VWA3B: variants seen among roughly 807,000 people sequenced by gnomAD.
VWA3B encodes the protein von Willebrand factor A domain containing 3B, also known as von Willebrand factor A domain-containing protein 3B.
A neutral mutation model predicts 158.3 loss-of-function variants in VWA3B; 138 were observed. The ratio of observed to expected loss-of-function variants is 0.87; its 90% CI spans 0.76 to 1.00. The LOEUF (loss-of-function observed/expected upper bound fraction) is 1.00, where lower values mean the gene tolerates loss of function less well. VWA3B is among the 50% of genes least tolerant of loss of function. The pLI, the probability that VWA3B is intolerant of heterozygous loss-of-function variation, is 0.00. For missense variants in VWA3B, 1,555 were observed against 1,565.1 expected, an observed-to-expected ratio of 0.99 and a Z score of 0.11; for synonymous variants, 596 against 587.3, an observed-to-expected ratio of 1.01 and a Z score of -0.21.
At position 98,223,033 on chromosome 2, in the gene VWA3B, G is replaced by T. The variant is rs377022352; in HGVS notation, c.2019+5005G>T. On this transcript the variant is annotated intron_variant, in intron 14 of 27. Coordinates refer to ENST00000477737, the MANE Select transcript of VWA3B (RefSeq NM_144992.5). ...GATGAATCATATGTTGGAATGACCT[G>T]CAAGGATTTTAAAGAAGCTGTCATA... Among the ~76,000 whole-genome samples, 51 of 152,240 alleles carry T rather than the reference G, an allele frequency of 3.3e-4. No individual in the cohort carries two copies. In the East Asian group the frequency reaches 5.2e-3, roughly 16 times the overall value.
intron 8 of VWA3B, among the ~76,000 whole-genome samples, 188 bp downstream of exon 8, chr2:98,163,164 T>C (rs1222485169): frequency 1.4e-5 from 2 of 144,698 alleles, no homozygotes; most frequent in Admixed American, 6.7e-5. Context: ...CATGGACATG[T>C]GTGTGTGTGT....
At chr2:98,192,790 C>T (rs999028331) in intron 10 of VWA3B, 108 bp from the exon 11 acceptor site, 71 of 1,475,464 alleles carry the variant, frequency 4.8e-5, no homozygotes, top group Middle Eastern at 2.2e-4. Flanking sequence ...TGGGTATAAA[C>T]AACATAGCGC....
At chr2:98,291,151 A>T (rs1280615225) in intron 23 of VWA3B, 2 of 154,804 alleles carry the variant, frequency 1.3e-5, no homozygotes, top group African/African-American at 4.8e-5. Flanking sequence ...TAAGGACTTA[A>T]AGGAGGTGGG....
intron 6 of VWA3B, among the ~76,000 whole-genome samples, chr2:98,130,634 T>C: frequency 6.6e-6 from 1 of 152,208 alleles, no homozygotes; most frequent in East Asian, 1.9e-4. Context: ...ACAAAGCATA[T>C]CTTGCACAGC....
At chr2:98,194,799 A>C (rs979570710) in intron 12 of VWA3B, among the ~76,000 whole-genome samples, 1 of 152,126 alleles carries the variant, frequency 6.6e-6, no homozygotes, top group South Asian at 2.1e-4. Flanking sequence ...TTTTGTACTC[A>C]GACATTCAGA....
chr2:98,190,218 T>C (rs1681458858), intron 10 of VWA3B, among the ~76,000 whole-genome samples: 2 of 152,202 alleles, frequency 1.3e-5, no homozygotes, highest in Admixed American at 1.3e-4. Context: ...TTGATGTGTG[T>C]GTGTGGCTAT....
Position 98,247,866 on chromosome 2 carries a change from C to T in VWA3B, c.2674-2452C>T, listed in dbSNP as rs558460009. On this transcript the variant is annotated intron_variant, in intron 19 of 27. Transcript: ENST00000477737. ...TGGTTTTAAATGCTGATTATCTAAC[C>T]ATCTTTCTATTCTATTCTTTTAAAA... Among the ~76,000 whole-genome samples the T allele has an allele frequency of 2.0e-5, 3 of 152,126 alleles. No individual in the cohort carries two copies. In the South Asian group the frequency reaches 6.2e-4, roughly 32 times the overall value.
At chr2:98,175,776 G>A (rs545947119) in intron 8 of VWA3B, among the ~76,000 whole-genome samples, 2 of 152,304 alleles carry the variant, frequency 1.3e-5, no homozygotes, top group South Asian at 4.1e-4. Flanking sequence ...TAATCAAGCT[G>A]TTGAAAGCCC....
chr2:98,296,548 AC>A (rs1444297737), intron 23 of VWA3B, among the ~76,000 whole-genome samples: 2 of 152,250 alleles, frequency 1.3e-5, no homozygotes, highest in Non-Finnish European at 2.9e-5. Context: ...TTAAAACAAG[AC>A]ACATGGATCA....
At position 98,295,119 on chromosome 2, in the gene VWA3B, G is replaced by T. The variant is rs1009467393; in HGVS notation, c.3158-2788G>T. Among the ~76,000 whole-genome samples, 5 of 152,134 alleles carry T rather than the reference G, an allele frequency of 3.3e-5. 1 individual carries two copies. The highest frequency in any genetic ancestry group is 3.3e-4 in the Admixed American group (5 of 15,280). On this transcript the variant is annotated intron_variant, in intron 23 of 27. Coordinates refer to ENST00000477737, the MANE Select transcript of VWA3B (RefSeq NM_144992.5). The stretch of plus-strand genomic sequence containing the variant: ...CAAAGCAGCAAAAGTCAGCACAGAG[G>T]GTAGAAAGGAAACCTCCGAGACTGG...
intron 8 of VWA3B, among the ~76,000 whole-genome samples, chr2:98,177,241 T>C (rs1680087079): frequency 6.6e-6 from 1 of 152,148 alleles, no homozygotes; most frequent in Non-Finnish European, 1.5e-5. Flanking sequence ...ACAAGTGGGA[T>C]GGGGAGGACA....
At chr2:98,298,061 C>T in intron 24 of VWA3B, 30 bp downstream of exon 24, 1 of 1,445,230 alleles carries the variant, frequency 6.9e-7, no homozygotes, top group Non-Finnish European at 9.1e-7. Flanking sequence ...TTCTGGGGCC[C>T]CTTTTCACCA....
At position 98,119,707 on chromosome 2, in the gene VWA3B, T is replaced by C. The variant is rs372797193; in HGVS notation, c.486T>C (p.Ala162=). ...GGGAGCTTGATCTGTGCCGAGAGGC[T>C]CTAACAATGGTTCTCCAGGAGCAGG... ...LEGELDLCRE[A]LTMVLQEQVA... Residue 162 remains alanine (A), a synonymous_variant, in exon 4 of 28, where the codon GCT becomes GCC. Coordinates refer to ENST00000477737, the MANE Select transcript of VWA3B (RefSeq NM_144992.5). 3 of 1,614,040 alleles carry C rather than the reference T, an allele frequency of 1.9e-6. No individual in the cohort carries two copies. Among genetic ancestry groups the C allele is most frequent in the African/African-American group, 2.7e-5 (2 of 74,908 alleles).
chr2:98,194,596 G>A, intron 12 of VWA3B, 104 bp downstream of exon 12: 1 of 1,411,944 alleles, frequency 7.1e-7, no homozygotes, highest in Non-Finnish European at 9.6e-7. Context: ...TGCACTCTCA[G>A]GATGGAAGTG....
At chr2:98,150,965 A>G (rs1264724138) in intron 7 of VWA3B, among the ~76,000 whole-genome samples, 2 of 152,134 alleles carry the variant, frequency 1.3e-5, no homozygotes, top group Non-Finnish European at 2.9e-5. Flanking sequence ...GATGGCATAT[A>G]TCTTGCACTT....
intron 23 of VWA3B, among the ~76,000 whole-genome samples, chr2:98,294,199 C>T (rs1207048351): frequency 2.0e-5 from 1 of 50,686 alleles, no homozygotes; most frequent in East Asian, 4.1e-4. Flanking sequence ...CACACACACA[C>T]ACACAAAAAA....
At chr2:98,206,953 G>A (rs1014511129) in intron 12 of VWA3B, 13 of 476,402 alleles carry the variant, frequency 2.7e-5, no homozygotes, top group Admixed American at 2.3e-4. Context: ...GCTGATGTAA[G>A]GTCAGATGAA....
At position 98,119,527 on chromosome 2, in the gene VWA3B, A is replaced by G. The variant is rs970008537; in HGVS notation, c.306A>G (p.Ser102=). The change falls in exon 4 of 28, where the codon TCA becomes TCG. Residue 102 remains serine (S), a synonymous_variant. Coordinates refer to ENST00000477737, the MANE Select transcript of VWA3B (RefSeq NM_144992.5). ...DGRVYNLTAK[S]ELIYQFVEHL... Reference sequence around the variant, plus strand: ...TTTTCATTAAGCTGACAGCTAAATCAGAACTGATTTATCAGTTTGTGGAAC... The same window carrying G: ...TTTTCATTAAGCTGACAGCTAAATCGGAACTGATTTATCAGTTTGTGGAAC... 3 of 1,613,762 alleles carry G rather than the reference A, an allele frequency of 1.9e-6. No homozygotes were observed. The highest frequency in any genetic ancestry group is 2.7e-5 in the African/African-American group (2 of 74,898).
At chr2:98,145,670 T>C (rs1207533027) in intron 7 of VWA3B, among the ~76,000 whole-genome samples, 2 of 152,166 alleles carry the variant, frequency 1.3e-5, no homozygotes, top group African/African-American at 4.8e-5. Flanking sequence ...CTTTTTTTCA[T>C]TGAGCTTACA....
Sources: gnomAD v4.1 joint callset for allele counts (sites outside exome capture counted in the v4.1 genomes callset) on GRCh38, gnomAD v4.1.1 for gene constraint, MANE v1.5 for transcripts, NCBI Gene and HGNC (gene_info 2026-07-23, HGNC 2026-07-21) for gene names.